Variants in NRXN3 observed in about 807,000 individuals in gnomAD.
NRXN3 encodes neurexin III.
Under a neutral mutation model 137.6 loss-of-function variants are expected in NRXN3, and 32 were observed. The observed-to-expected ratio is 0.23, with a 90% confidence interval of 0.18 to 0.31. The LOEUF (loss-of-function observed/expected upper bound fraction) is 0.31, where lower values mean the gene tolerates loss of function less well. NRXN3 is among the 10% of genes least tolerant of loss of function. The pLI, the probability that NRXN3 is intolerant of heterozygous loss-of-function variation, is 1.00. For missense variants in NRXN3, 1,574 were observed against 2,062.5 expected (o/e 0.76, Z 4.59); for synonymous variants, 798 against 784.5 (o/e 1.02, Z -0.29).
chr14:79,750,536 A>G (rs2098993966), intron 19 of NRXN3, among the ~76,000 whole-genome samples: 3 of 152,258 alleles, frequency 2.0e-5, no homozygotes. Context: ...TACTTTGTGA[A>G]TTCATCTGTA....
At chr14:78,879,125 T>C (rs1430734985) in intron 10 of NRXN3, among the ~76,000 whole-genome samples, 1 of 152,252 alleles carries the variant, frequency 6.6e-6, no homozygotes, top group African/African-American at 2.4e-5. Flanking sequence ...AACACTTAGG[T>C]TGATTCCGTA....
chr14:78,652,639 T>G (rs1032071539), intron 6 of NRXN3, among the ~76,000 whole-genome samples: 1 of 152,228 alleles, frequency 6.6e-6, no homozygotes, highest in African/African-American at 2.4e-5. Flanking sequence ...TGAAATTTGT[T>G]GAACATCATT....
intron 10 of NRXN3, among the ~76,000 whole-genome samples, chr14:78,948,804 C>A (rs1330118964): frequency 2.6e-5 from 4 of 151,978 alleles, no homozygotes; most frequent in Non-Finnish European, 5.9e-5. Context: ...TGCCCTTTAC[C>A]CAGCCTCACC....
intron 16 of NRXN3, among the ~76,000 whole-genome samples, chr14:79,662,366 A>T (rs1407379924): frequency 6.6e-6 from 1 of 152,156 alleles, no homozygotes; most frequent in African/African-American, 2.4e-5. Flanking sequence ...GAGGCTGATT[A>T]TATTTGAATA....
intron 14 of NRXN3, among the ~76,000 whole-genome samples, chr14:78,972,118 A>G (rs2099443830): frequency 6.6e-6 from 1 of 152,198 alleles, no homozygotes; most frequent in South Asian, 2.1e-4. Context: ...TTTTAAAAAA[A>G]ATCATACCTG....
At chr14:79,234,296 AT>A (rs2072828267) in intron 15 of NRXN3, among the ~76,000 whole-genome samples, 5 of 4,754 alleles carry the variant, frequency 1.1e-3, no homozygotes, top group African/African-American at 3.8e-3. Flanking sequence ...AATGGTAAAT[AT>A]ATATATATAT....
At chr14:79,096,747 C>T (rs2050421195) in intron 15 of NRXN3, among the ~76,000 whole-genome samples, 1 of 152,102 alleles carries the variant, frequency 6.6e-6, no homozygotes, top group African/African-American at 2.4e-5. Flanking sequence ...CCATATTCCC[C>T]TCCCCCAACA....
At chr14:79,849,195 C>T (rs557580772) in intron 20 of NRXN3, among the ~76,000 whole-genome samples, 2 of 152,276 alleles carry the variant, frequency 1.3e-5, no homozygotes, top group South Asian at 2.1e-4. Flanking sequence ...ATTGATCTCC[C>T]CAATTCTACT....
At chr14:79,246,578 TTC>T (rs2075221850) in intron 15 of NRXN3, 1 of 152,062 alleles carries the variant, frequency 6.6e-6, no homozygotes, top group Non-Finnish European at 1.5e-5. Context: ...ACACACACAC[TTC>T]TCTCTCTTCT....
chr14:79,117,265 A>T (rs1030805906), intron 15 of NRXN3, among the ~76,000 whole-genome samples: 1 of 152,200 alleles, frequency 6.6e-6, no homozygotes, highest in African/African-American at 2.4e-5. Context: ...AAAGATCTCA[A>T]CATATAAATA....
chr14:78,888,723 A>G lies in NRXN3; in HGVS notation c.2276-68519A>G, dbSNP rs532517762. On this transcript the variant is annotated intron_variant, in intron 10 of 20. Transcript: ENST00000335750. ...AGAAAATTCAATTTTTATGAATTAG[A>G]TTTTTAAGATGGCTTGTAATGTACC... Among the ~76,000 whole-genome samples, 4 of 152,034 alleles carry G rather than the reference A, an allele frequency of 2.6e-5. No individual in the cohort carries two copies. The East Asian group carries it at 5.8e-4, about 22-fold the overall frequency.
At position 78,308,175 on chromosome 14, in the gene NRXN3, G is replaced by A. The variant is rs189099209; in HGVS notation, c.757+10315G>A. Among the ~76,000 whole-genome samples, 14 of 152,192 alleles carry A rather than the reference G, an allele frequency of 9.2e-5. No individual in the cohort carries two copies. The South Asian group carries it at 2.5e-3, about 27-fold the overall frequency. ...TGTGCATGTGCATGCATGTGTGTGC[G>A]TGTGTAAGAGCAATAGATGGAGCAG... On this transcript the variant is annotated intron_variant, in intron 4 of 20. Transcript: ENST00000335750.
At chr14:79,160,800 C>T (rs937697023) in intron 15 of NRXN3, among the ~76,000 whole-genome samples, 4 of 151,898 alleles carry the variant, frequency 2.6e-5, no homozygotes, top group Admixed American at 2.6e-4. Flanking sequence ...TGGTGGTAGG[C>T]TGTTGCCTCA....
chr14:79,190,426 G>A (rs2064133342), intron 15 of NRXN3, among the ~76,000 whole-genome samples: 2 of 152,042 alleles, frequency 1.3e-5, no homozygotes, highest in African/African-American at 4.8e-5. Context: ...CATTCCTTAT[G>A]ATAAAGACCT....
chr14:79,837,881 G>A (rs946765608), intron 20 of NRXN3, among the ~76,000 whole-genome samples: 3 of 152,018 alleles, frequency 2.0e-5, no homozygotes, highest in African/African-American at 7.2e-5. Flanking sequence ...ATTTGTACCC[G>A]TTAGCCAGTT....
intron 4 of NRXN3, among the ~76,000 whole-genome samples, chr14:78,356,411 T>C (rs1203947758): frequency 6.6e-6 from 1 of 152,238 alleles, no homozygotes; most frequent in Non-Finnish European, 1.5e-5. Flanking sequence ...AAATATACAT[T>C]ACTTTCCTCA....
chr14:78,998,059 G>A (rs1038604096), intron 15 of NRXN3, among the ~76,000 whole-genome samples: 2 of 152,160 alleles, frequency 1.3e-5, no homozygotes, highest in Non-Finnish European at 2.9e-5. Flanking sequence ...TTCTCTCCAG[G>A]CAGTAAGCTG....
chr14:79,278,284 A>C (rs1566643681), intron 15 of NRXN3, among the ~76,000 whole-genome samples: 1 of 152,198 alleles, frequency 6.6e-6, no homozygotes, highest in African/African-American at 2.4e-5. Context: ...CTGTGTGGAC[A>C]ACAACCTGGC....
rs192569171 is a variant in NRXN3 at position 78,289,279 on chromosome 14, G to C, written c.728-8552G>C. Among the ~76,000 whole-genome samples the C allele has an allele frequency of 5.3e-3, 810 of 152,282 alleles. 5 individuals carry two copies. The highest frequency in any genetic ancestry group is 9.0e-3 in the Non-Finnish European group (614 of 68,006). ...AGCTTTGTATAGCTTGGCTGTAGTG[G>C]TGACAGGCTATTGTTGAAGTCTGCC... On this transcript the variant is annotated intron_variant, in intron 3 of 20. Transcript: ENST00000335750.
Sources: allele counts gnomAD v4.1 joint callset (sites outside exome capture counted in the v4.1 genomes callset), GRCh38; gene constraint gnomAD v4.1.1; transcripts MANE v1.5; gene names NCBI Gene and HGNC (gene_info 2026-07-23, HGNC 2026-07-21).